Variants in TENM3 observed in about 807,000 individuals in gnomAD.
TENM3 encodes teneurin transmembrane protein 3.
Under a neutral mutation model 255.1 loss-of-function variants are expected in TENM3, and 63 were observed. The ratio of observed to expected loss-of-function variants is 0.25; its 90% CI spans 0.20 to 0.30. The LOEUF is 0.30. Among genes scored for constraint, TENM3 ranks in the 10% least tolerant of loss-of-function variants. TENM3 has a pLI of 1.00. For missense variants in TENM3, 2,929 were observed against 3,461.1 expected, an observed-to-expected ratio of 0.85 and a Z score of 3.86; for synonymous variants, 1,306 against 1,322.3, an observed-to-expected ratio of 0.99 and a Z score of 0.27.
At chr4:182,390,641 A>G (rs1233392599) in intron 3 of TENM3, among the ~76,000 whole-genome samples, 1 of 152,108 alleles carries the variant, frequency 6.6e-6, no homozygotes, top group Non-Finnish European at 1.5e-5. Context: ...GGCACTACTG[A>G]CACTCTCCTA....
At chr4:182,447,489 C>T (rs1773027136) in intron 3 of TENM3, among the ~76,000 whole-genome samples, 1 of 152,140 alleles carries the variant, frequency 6.6e-6, no homozygotes, top group Non-Finnish European at 1.5e-5. Context: ...AAGGAAATTA[C>T]TGTTGTTGTT....
In TENM3 at chr4:182,352,468, T is replaced by G. The variant is rs1251724029; in HGVS notation, c.511+5539T>G. Among the ~76,000 whole-genome samples, 5 of 152,218 alleles carry G rather than the reference T, an allele frequency of 3.3e-5. No individual in the cohort carries two copies. In the East Asian group the frequency reaches 7.8e-4, roughly 24 times the overall value. ...AGGCAATTTAACTGATGCTCATCAG[T>G]TCACACAATAAAATAAATCATTCCA... On this transcript the variant is annotated intron_variant, in intron 3 of 27. Coordinates refer to ENST00000511685, the MANE Select transcript of TENM3 (RefSeq NM_001080477.4).
At chr4:181,935,120 T>C in the TENM3 span, among the ~76,000 whole-genome samples, 10 of 152,242 alleles carry the variant, frequency 6.6e-5, no homozygotes, top group African/African-American at 1.7e-4. Flanking sequence ...ACTTGTTTTA[T>C]TGTAATTTTC....
intron 19 of TENM3, among the ~76,000 whole-genome samples, chr4:182,750,777 G>A (rs578211871): frequency 1.1e-4 from 16 of 152,142 alleles, no homozygotes; most frequent in South Asian, 2.1e-4. Flanking sequence ...AACTAAGTTC[G>A]TCATCAAAAG....
At chr4:182,780,057 T>G (rs1765041929) in intron 24 of TENM3, among the ~76,000 whole-genome samples, 1 of 151,714 alleles carries the variant, frequency 6.6e-6, no homozygotes, top group South Asian at 2.1e-4. Flanking sequence ...CTCTTTAGTT[T>G]AATTAGATCC....
intron 1 of TENM3, among the ~76,000 whole-genome samples, chr4:182,250,121 G>C (rs557615228): frequency 9.0e-5 from 13 of 144,200 alleles, no homozygotes; most frequent in East Asian, 2.0e-4. Context: ...GGTGCGATCT[G>C]GGCTCACTGC....
the TENM3 span, chr4:181,522,607 C>T: frequency 2.1e-6 from 1 of 484,006 alleles, no homozygotes; most frequent in Non-Finnish European, 3.9e-6. Flanking sequence ...ACAAATCCAG[C>T]ATCTATTCTT....
the TENM3 span, among the ~76,000 whole-genome samples, chr4:181,605,571 A>AAAG: frequency 3.4e-5 from 1 of 29,126 alleles, no homozygotes; most frequent in African/African-American, 8.3e-5. Flanking sequence ...AGAAAGAAAG[A>AAAG]GAGAGAAAGA....
intron 7 of TENM3, among the ~76,000 whole-genome samples, chr4:182,675,594 C>T (rs1180382041): frequency 1.3e-5 from 2 of 151,172 alleles, no homozygotes; most frequent in Non-Finnish European, 2.9e-5. Flanking sequence ...TCTATAACTT[C>T]AATTATAGTA....
At chr4:182,092,242 G>A in the TENM3 span, among the ~76,000 whole-genome samples, 1 of 152,174 alleles carries the variant, frequency 6.6e-6, no homozygotes, top group Non-Finnish European at 1.5e-5. Context: ...TCAGGAGGCT[G>A]TGGTGGGAGA....
At chr4:182,024,979 A>G in the TENM3 span, among the ~76,000 whole-genome samples, 1 of 147,858 alleles carries the variant, frequency 6.8e-6, no homozygotes, top group East Asian at 2.0e-4. Context: ...TAACATAATG[A>G]CCTCCAGTTC....
chr4:181,599,433 T>C, the TENM3 span, among the ~76,000 whole-genome samples: 1 of 152,178 alleles, frequency 6.6e-6, no homozygotes, highest in Non-Finnish European at 1.5e-5. Context: ...CACAATAAAT[T>C]ACATGATCCA....
chr4:182,661,362 G>A (rs1336023709), intron 6 of TENM3, among the ~76,000 whole-genome samples: 5 of 151,742 alleles, frequency 3.3e-5, no homozygotes, highest in Admixed American at 2.0e-4. Context: ...TTTGATCATC[G>A]TGTATCAACT....
chr4:181,499,853 G>A, the TENM3 span, among the ~76,000 whole-genome samples: 187 of 152,288 alleles, frequency 1.2e-3, no homozygotes, highest in African/African-American at 4.2e-3. Flanking sequence ...CTTTTCAGAC[G>A]GGGAAATCTT....
the TENM3 span, among the ~76,000 whole-genome samples, chr4:181,906,914 T>C: frequency 0.034 from 5,249 of 152,278 alleles, 87 homozygotes; most frequent in Non-Finnish European, 0.041. Context: ...AGTCTCACTA[T>C]GTCGCCCAGG....
the TENM3 span, among the ~76,000 whole-genome samples, chr4:181,570,192 C>G: frequency 6.6e-6 from 1 of 151,712 alleles, no homozygotes; most frequent in Non-Finnish European, 1.5e-5. Context: ...ACTACAGGCG[C>G]CCGCCACCGC....
chr4:182,032,700 A>T, the TENM3 span, among the ~76,000 whole-genome samples: 1 of 152,142 alleles, frequency 6.6e-6, no homozygotes. Flanking sequence ...TATGGTTAAT[A>T]GACTATTTAT....
the TENM3 span, among the ~76,000 whole-genome samples, chr4:181,901,876 T>TC: frequency 1.1e-4 from 17 of 151,958 alleles, no homozygotes; most frequent in South Asian, 8.3e-4. Flanking sequence ...CATCCTTCAT[T>TC]CCCCCCCACC....
chr4:182,799,984 C>T lies in TENM3; in HGVS notation c.7733C>T (p.Thr2578Met), dbSNP rs760930126. 5.0e-6 allele frequency: 8 copies of T among 1,591,464 alleles called. No individual in the cohort carries two copies. Among genetic ancestry groups the T allele is most frequent in the Middle Eastern group, 1.7e-4 (1 of 6,060 alleles). ...GCGCTGGAGAACGGCATCAACGTGA[C>T]GGTGTCGCAGTCCACCACGGTGGTG... Reference protein sequence around the residue: ...RKALENGINVTVSQSTTVVNG... With the variant: ...RKALENGINVMVSQSTTVVNG... Residue 2578 changes from threonine to methionine, a missense_variant, in exon 28 of 28, where the codon ACG becomes ATG. Around this residue, in one of 6 missense-constraint regions of TENM3, gnomAD observed 476 missense variants for 480.1 expected, o/e 0.99. Transcript: ENST00000511685. The surrounding 1 kb of genome is among the most constrained non-coding windows in gnomAD (Gnocchi z 4.2).
Sources: allele counts gnomAD v4.1 joint callset (sites outside exome capture counted in the v4.1 genomes callset), GRCh38; gene constraint gnomAD v4.1.1; regional missense constraint gnomAD v4.1.1; non-coding constraint Gnocchi (gnomAD v3.1); transcripts MANE v1.5; gene names NCBI Gene and HGNC (gene_info 2026-07-23, HGNC 2026-07-21).